SPINK1: variants seen among roughly 807,000 people sequenced by gnomAD.
SPINK1 encodes serine protease inhibitor Kazal-type 1.
In SPINK1, 5 loss-of-function variants were observed where a neutral mutation model predicts 9.5. That is an observed-to-expected ratio of 0.52 (90% CI 0.27 to 1.10). SPINK1 has a LOEUF of 1.10. Ranked by LOEUF, SPINK1 falls within the 50% of genes least tolerant of loss-of-function variation. The probability of loss-of-function intolerance (pLI) is 0.11; values close to 1 mark genes in which losing one functional copy is unlikely to be tolerated. For missense variants in SPINK1, 88 were observed against 92.7 expected, an observed-to-expected ratio of 0.95 and a Z score of 0.21; for synonymous variants, 37 against 32.3, an observed-to-expected ratio of 1.14 and a Z score of -0.49.
the SPINK1 span, among the ~76,000 whole-genome samples, chr5:147,837,678 T>TTTCTTTC: frequency 6.9e-6 from 1 of 145,508 alleles, no homozygotes; most frequent in Non-Finnish European, 1.5e-5. Context: ...TCTTTCTTTC[T>TTTCTTTC]TTCTTTCTTT....
At chr5:147,837,698 T>TTTCTTTCTTTCC in the SPINK1 span, among the ~76,000 whole-genome samples, 4 of 149,732 alleles carry the variant, frequency 2.7e-5, no homozygotes, top group African/African-American at 7.4e-5. Flanking sequence ...TCTTTCTTTC[T>TTTCTTTCTTTCC]TTCTTTCTTT....
upstream of SPINK1, among the ~76,000 whole-genome samples, chr5:147,835,439 G>T (rs934656648): frequency 3.3e-5 from 5 of 152,044 alleles, no homozygotes; most frequent in African/African-American, 1.2e-4. Context: ...GATGAGGAGT[G>T]CATTGACCAG....
chr5:147,837,693 C>CTTTCTTTT, the SPINK1 span, among the ~76,000 whole-genome samples: 1 of 146,258 alleles, frequency 6.8e-6, no homozygotes, highest in South Asian at 2.2e-4. Context: ...TTCTTTCTTT[C>CTTTCTTTT]TTTCTTTCTT....
At chr5:147,829,382 A>G (rs1369773939) in intron 2 of SPINK1, among the ~76,000 whole-genome samples, 1 of 152,178 alleles carries the variant, frequency 6.6e-6, no homozygotes, top group Non-Finnish European at 1.5e-5. Context: ...GCACTGTAGG[A>G]CTATATGGAA....
chr5:147,837,649 T>TTTTCTTTCTTTCTTTCTTTCTTTCTTCC, the SPINK1 span, among the ~76,000 whole-genome samples: 1 of 107,118 alleles, frequency 9.3e-6, no homozygotes, highest in South Asian at 3.2e-4. Flanking sequence ...CATTAACTTC[T>TTTTCTTTCTTTCTTTCTTTCTTTCTTCC]TTTCTTTCTT....
chr5:147,833,056 G>A (rs1458626125), upstream of SPINK1, among the ~76,000 whole-genome samples: 1 of 152,192 alleles, frequency 6.6e-6, no homozygotes, highest in Non-Finnish European at 1.5e-5. Context: ...AGCGTAATCA[G>A]AGAAGGTCTT....
rs577775373 is a variant in SPINK1 at position 147,828,245 on chromosome 5, T to C, written c.88-117A>G. The C allele has an allele frequency of 4.3e-4, 359 of 835,794 alleles. No individual in the cohort carries two copies. The African/African-American group carries it at 4.9e-3, about 11-fold the overall frequency. The allele number at this position is 835,794 out of a possible 1,614,324, so 51.8% of individuals were successfully genotyped here. ...ATAACTGTGATTGGGAGAATGATACTGTGTGTTGTAAGAGAAATAACCTAC... is the reference window on the plus strand; with the variant it reads ...ATAACTGTGATTGGGAGAATGATACCGTGTGTTGTAAGAGAAATAACCTAC... On this transcript the variant is annotated intron_variant, in intron 2 of 3. Coordinates refer to ENST00000296695, the MANE Select transcript of SPINK1 (RefSeq NM_001379610.1).
At chr5:147,838,955 C>T in the SPINK1 span, among the ~76,000 whole-genome samples, 4 of 152,130 alleles carry the variant, frequency 2.6e-5, no homozygotes, top group Non-Finnish European at 5.9e-5. Context: ...CTCTCACCAA[C>T]ACTGTGATCC....
At chr5:147,824,757 A>C (rs777461419) in intron 3 of SPINK1, 51 bp from the exon 4 acceptor site, 1 of 1,553,858 alleles carries the variant, frequency 6.4e-7, no homozygotes, top group South Asian at 1.1e-5. Flanking sequence ...ACTGATGAAA[A>C]AGTGACTATG....
chr5:147,827,990 A>G (rs770552173), intron 3 of SPINK1, 32 bp downstream of exon 3: 1 of 1,506,574 alleles, frequency 6.6e-7, no homozygotes, highest in Admixed American at 1.7e-5. Flanking sequence ...CTTAAAATAT[A>G]TAGTTTAAAA....
chr5:147,834,312 C>T (rs546837098), upstream of SPINK1, among the ~76,000 whole-genome samples: 28 of 152,178 alleles, frequency 1.8e-4, no homozygotes, highest in South Asian at 4.6e-3. Context: ...TCTGTGTCTC[C>T]GGTGCCTCCG....
intron 1 of SPINK1, among the ~76,000 whole-genome samples, chr5:147,831,107 A>G (rs1418786601): frequency 2.6e-5 from 4 of 152,248 alleles, no homozygotes; most frequent in Non-Finnish European, 4.4e-5. Context: ...ATTTTTAATC[A>G]GTCAAATTAT....
chr5:147,825,991 A>T (rs1414991132), intron 3 of SPINK1, among the ~76,000 whole-genome samples: 1 of 152,240 alleles, frequency 6.6e-6, no homozygotes, highest in Non-Finnish European at 1.5e-5. Flanking sequence ...TGTTAGCCAC[A>T]TTAAGGCTAC....
chr5:147,836,963 T>A, the SPINK1 span, among the ~76,000 whole-genome samples: 1 of 152,190 alleles, frequency 6.6e-6, no homozygotes, highest in Non-Finnish European at 1.5e-5. Flanking sequence ...GCTGTAAAGA[T>A]AATAACATTT....
At chr5:147,838,503 ATCT>A in the SPINK1 span, among the ~76,000 whole-genome samples, 1 of 152,076 alleles carries the variant, frequency 6.6e-6, no homozygotes, top group African/African-American at 2.4e-5. Context: ...AATTCATATG[ATCT>A]TTTTTACTTT....
At chr5:147,833,040 T>A (rs1428184452), upstream of SPINK1, among the ~76,000 whole-genome samples, 1 of 152,146 alleles carries the variant, frequency 6.6e-6, no homozygotes, top group Non-Finnish European at 1.5e-5. Context: ...AGGAGATATG[T>A]ATCATAGCGT....
chr5:147,830,097 G>A (rs943961746), intron 1 of SPINK1, among the ~76,000 whole-genome samples: 2 of 152,178 alleles, frequency 1.3e-5, no homozygotes, highest in Non-Finnish European at 2.9e-5. Context: ...ATCATAAGCA[G>A]TAACCAGGTC....
chr5:147,826,218 T>C (rs1020576261), intron 3 of SPINK1, among the ~76,000 whole-genome samples: 1 of 152,216 alleles, frequency 6.6e-6, no homozygotes, highest in African/African-American at 2.4e-5. Context: ...TTTGGTATTA[T>C]CTACTTGTCT....
upstream of SPINK1, among the ~76,000 whole-genome samples, chr5:147,836,296 TTGTGTGTGTGTGTGTG>T (rs58122057): frequency 2.0e-5 from 3 of 146,446 alleles, no homozygotes; most frequent in African/African-American, 7.6e-5. Flanking sequence ...ATTTACTGAT[TTGTGTGTGTGTGTGTG>T]TGTGTGTGTG....
Sources: allele counts gnomAD v4.1 joint callset (sites outside exome capture counted in the v4.1 genomes callset), GRCh38; gene constraint gnomAD v4.1.1; transcripts MANE v1.5; gene names NCBI Gene and HGNC (gene_info 2026-07-23, HGNC 2026-07-21).